ALDH7A1: variants seen among roughly 807,000 people sequenced by gnomAD.
The protein encoded by ALDH7A1 is aldehyde dehydrogenase 7 family member A1.
ALDH7A1 carries 63 observed loss-of-function variants against 79.9 expected under a neutral mutation model. That is an observed-to-expected ratio of 0.79 (90% CI 0.64 to 0.97). ALDH7A1 has a LOEUF of 0.97. Among genes scored for constraint, ALDH7A1 ranks in the 50% least tolerant of loss-of-function variants. The probability of loss-of-function intolerance (pLI) is 0.00; values close to 1 mark genes in which losing one functional copy is unlikely to be tolerated. For missense variants in ALDH7A1, 627 were observed against 665.2 expected (o/e 0.94, Z 0.63); for synonymous variants, 240 against 231.2 (o/e 1.04, Z -0.34).
chr5:126,550,777 G>C (rs544787331), intron 14 of ALDH7A1, among the ~76,000 whole-genome samples: 38 of 152,284 alleles, frequency 2.5e-4, no homozygotes, highest in Non-Finnish European at 4.4e-5. Flanking sequence ...CCCCATACGT[G>C]AAACAATGAT....
rs777913632 is a variant in ALDH7A1 at position 126,559,429 on chromosome 5, TTTTGG to T, written c.914-100_914-96del. ...AAACAATGTTGTTTTTTGTTTTTGG[TTTTGG>T]TTTTTTTTTTTTTTTTTTGAGACAG... On this transcript the variant is annotated intron_variant, in intron 10 of 17. Coordinates refer to ENST00000409134, the MANE Select transcript of ALDH7A1 (RefSeq NM_001182.5). 1,814 of 751,964 alleles carry T rather than the reference TTTTGG, an allele frequency of 2.4e-3. 2 individuals carry two copies. Among genetic ancestry groups the T allele is most frequent in the Admixed American group, 8.7e-3 (260 of 29,762 alleles). 46.6% of individuals were successfully genotyped at this position (751,964 alleles called of 1,614,324 possible).
In ALDH7A1 at chr5:126,541,943, A is replaced by C. The variant is rs2035471; in HGVS notation, c.*3022T>G. On this transcript the variant is annotated 3_prime_UTR_variant, in exon 18 of 18. Transcript: ENST00000409134. The stretch of plus-strand genomic sequence containing the variant: ...TGGATTAAAGACAAAAATGTCAATA[A>C]AACATTTGTGGACCTTTCCAATAGA... 5.5e-5 allele frequency: 8 copies of C among 145,626 alleles called. No individual in the cohort carries two copies. The highest frequency in any genetic ancestry group is 1.0e-4 in the Non-Finnish European group (7 of 67,098). 9.0% of individuals were successfully genotyped at this position (145,626 alleles called of 1,614,324 possible). A position where few individuals can be genotyped will look rare whatever the true frequency, so the allele number is the denominator to read the frequency against.
chr5:126,549,908 G>A (rs1279391635), intron 16 of ALDH7A1, 21 bp downstream of exon 16: 1 of 1,612,754 alleles, frequency 6.2e-7, no homozygotes, highest in Admixed American at 1.7e-5. Flanking sequence ...CATGGAAAAG[G>A]AGAAATGATT....
intron 2 of ALDH7A1, among the ~76,000 whole-genome samples, 156 bp downstream of exon 2, chr5:126,593,195 A>C (rs1170493613): frequency 6.6e-6 from 1 of 152,162 alleles, no homozygotes; most frequent in Admixed American, 6.6e-5. Flanking sequence ...TGACAAATGA[A>C]AAATAAACAC....
intron 7 of ALDH7A1, chr5:126,571,090 A>G: frequency 4.2e-6 from 2 of 479,864 alleles, no homozygotes; most frequent in Non-Finnish European, 7.6e-6. Context: ...GTCCTCAAAC[A>G]TTCAGACCTG....
Position 126,594,997 on chromosome 5 carries a change from G to A in ALDH7A1, c.192+10C>T. On this transcript the variant is annotated intron_variant, in intron 1 of 17. Coordinates refer to ENST00000409134, the MANE Select transcript of ALDH7A1 (RefSeq NM_001182.5). ...CGGCGGCTGCAGAGATTTCTTGAGC[G>A]CCCGCGTACCTCTCCCCGGCCTCCC... The A allele has an allele frequency of 1.3e-6, 2 of 1,586,444 alleles. No homozygotes were observed. The highest frequency in any genetic ancestry group is 8.6e-7 in the Non-Finnish European group (1 of 1,167,112).
chr5:126,554,514 A>AT, intron 12 of ALDH7A1, 121 bp from the exon 13 acceptor site: 1 of 788,458 alleles, frequency 1.3e-6, no homozygotes, highest in Non-Finnish European at 2.2e-6. Flanking sequence ...TTGAGAACAT[A>AT]AGTCAGCATC....
At position 126,544,740 on chromosome 5, in the gene ALDH7A1, C is replaced by T. The variant is rs1055796141; in HGVS notation, c.*225G>A. 6 of 537,332 alleles carry T rather than the reference C, an allele frequency of 1.1e-5. No individual in the cohort carries two copies. The African/African-American group carries it at 1.1e-4, about 10-fold the overall frequency. The allele number at this position is 537,332 out of a possible 1,614,324, so 33.3% of individuals were successfully genotyped here. A position where few individuals can be genotyped will look rare whatever the true frequency, so the allele number is the denominator to read the frequency against. ...ACAACTAGTTGACATAATAAAAATCCACCTAACTCATCTTTTAGTAACTAT... is the reference window on the plus strand; with the variant it reads ...ACAACTAGTTGACATAATAAAAATCTACCTAACTCATCTTTTAGTAACTAT... On this transcript the variant is annotated 3_prime_UTR_variant, in exon 18 of 18. Transcript: ENST00000409134.
At chr5:126,584,719 G>C (rs1375070045) in intron 3 of ALDH7A1, among the ~76,000 whole-genome samples, 2 of 139,948 alleles carry the variant, frequency 1.4e-5, no homozygotes, top group African/African-American at 2.8e-5. Context: ...GTGGATTCAC[G>C]GTCTGTTTTG....
chr5:126,586,497 T>C (rs1223074623), intron 3 of ALDH7A1: 1 of 152,252 alleles, frequency 6.6e-6, no homozygotes, highest in Middle Eastern at 3.2e-3. Context: ...AATCCCTGGA[T>C]ATTCTACTGC....
chr5:126,556,958 G>A (rs371066980), intron 11 of ALDH7A1, among the ~76,000 whole-genome samples: 2 of 152,234 alleles, frequency 1.3e-5, no homozygotes, highest in Non-Finnish European at 1.5e-5. Flanking sequence ...TTTGGACAAT[G>A]ACTAATATTA....
At chr5:126,563,594 G>T (rs1013667848) in intron 9 of ALDH7A1, among the ~76,000 whole-genome samples, 3 of 152,058 alleles carry the variant, frequency 2.0e-5, no homozygotes, top group Non-Finnish European at 4.4e-5. Flanking sequence ...GGGTTCAAGT[G>T]ATTCTCCTGT....
At chr5:126,566,064 G>A (rs1183171162) in intron 9 of ALDH7A1, among the ~76,000 whole-genome samples, 7 of 152,140 alleles carry the variant, frequency 4.6e-5, no homozygotes, top group African/African-American at 1.7e-4. Context: ...GCCTTTTAGG[G>A]TCCTTTGCAT....
In ALDH7A1 at chr5:126,592,324, C is replaced by T. The variant is rs150166796; in HGVS notation, c.312+340G>A. 4.4e-3 allele frequency: 1,229 copies of T among 277,992 alleles called. 13 individuals carry two copies. The highest frequency in any genetic ancestry group is 0.026 in the African/African-American group (1,176 of 44,552). 17.2% of individuals were successfully genotyped at this position (277,992 alleles called of 1,614,324 possible). On this transcript the variant is annotated intron_variant, in intron 3 of 17. Transcript: ENST00000409134. ...ATAGAGGAGGAGCAAACAAATATTT[C>T]TGGCATAGATCTTCTATTCATTTTC...
chr5:126,557,502 A>C (rs1156789539), intron 11 of ALDH7A1, among the ~76,000 whole-genome samples: 1 of 151,656 alleles, frequency 6.6e-6, no homozygotes, highest in African/African-American at 2.4e-5. Context: ...TGGGAGAATC[A>C]CTTGAACCTG....
At chr5:126,566,547 G>A (rs1464784592) in intron 9 of ALDH7A1, among the ~76,000 whole-genome samples, 1 of 152,062 alleles carries the variant, frequency 6.6e-6, no homozygotes, top group Non-Finnish European at 1.5e-5. Flanking sequence ...TTATGCTGGG[G>A]TTAAAGTCTA....
At chr5:126,573,439 C>T (rs1750849625) in intron 7 of ALDH7A1, among the ~76,000 whole-genome samples, 1 of 152,010 alleles carries the variant, frequency 6.6e-6, no homozygotes, top group African/African-American at 2.4e-5. Flanking sequence ...GTGGCTCACA[C>T]CTGTAATCCC....
chr5:126,589,828 C>T (rs1751484767), intron 3 of ALDH7A1, among the ~76,000 whole-genome samples: 1 of 151,506 alleles, frequency 6.6e-6, no homozygotes, highest in African/African-American at 2.4e-5. Flanking sequence ...TGAGGAGGAC[C>T]TCTGCCCAGC....
chr5:126,548,894 TAAA>T (rs33926729), intron 16 of ALDH7A1, among the ~76,000 whole-genome samples: 6,200 of 93,364 alleles, frequency 0.066, 551 homozygotes, highest in African/African-American at 0.21. Flanking sequence ...GGCCTGTTTC[TAAA>T]AAAAAAAAAA....
Sources: gnomAD v4.1 joint callset for allele counts (sites outside exome capture counted in the v4.1 genomes callset) on GRCh38, gnomAD v4.1.1 for gene constraint, MANE v1.5 for transcripts, NCBI Gene and HGNC (gene_info 2026-07-23, HGNC 2026-07-21) for gene names.